FSTL4: variants seen among roughly 807,000 people sequenced by gnomAD.
The protein encoded by FSTL4 is follistatin-related protein 4.
In FSTL4, 28 loss-of-function variants were observed where a neutral mutation model predicts 78.2. The ratio of observed to expected loss-of-function variants is 0.36; its 90% CI spans 0.27 to 0.49. The LOEUF (loss-of-function observed/expected upper bound fraction) is 0.49. FSTL4 is among the 20% of genes least tolerant of loss of function. FSTL4 has a pLI of 0.98. For synonymous variants in FSTL4, 422 were observed against 440.5 expected, an observed-to-expected ratio of 0.96 and a Z score of 0.53; for missense variants, 922 against 1,084.9, an observed-to-expected ratio of 0.85 and a Z score of 2.11.
the FSTL4 span, among the ~76,000 whole-genome samples, chr5:133,740,910 A>C: frequency 6.6e-6 from 1 of 151,704 alleles, no homozygotes; most frequent in African/African-American, 2.4e-5. Context: ...CTTTCCTTTT[A>C]TGGGAGAGTT....
At chr5:133,788,123 C>A in the FSTL4 span, among the ~76,000 whole-genome samples, 1 of 152,148 alleles carries the variant, frequency 6.6e-6, no homozygotes, top group Non-Finnish European at 1.5e-5. Context: ...ATATCCCCAG[C>A]GCCCAGCCCA....
chr5:133,260,748 T>C (rs889600334), intron 6 of FSTL4, among the ~76,000 whole-genome samples: 3 of 152,172 alleles, frequency 2.0e-5, no homozygotes, highest in Non-Finnish European at 4.4e-5. Flanking sequence ...TTTAGTAACA[T>C]GGCAGGGAGC....
chr5:133,684,042 G>A, the FSTL4 span, among the ~76,000 whole-genome samples: 1 of 152,306 alleles, frequency 6.6e-6, no homozygotes, highest in African/African-American at 2.4e-5. Context: ...TGAGTTTGTG[G>A]ACCATACCAA....
chr5:133,296,613 C>T (rs1314805208), intron 6 of FSTL4, among the ~76,000 whole-genome samples: 1 of 152,216 alleles, frequency 6.6e-6, no homozygotes, highest in Admixed American at 6.5e-5. Flanking sequence ...ACCCCTTCAA[C>T]ACCTGGCTCA....
intron 4 of FSTL4, among the ~76,000 whole-genome samples, chr5:133,389,773 C>G (rs1264201409): frequency 1.3e-5 from 2 of 152,168 alleles, no homozygotes; most frequent in East Asian, 3.8e-4. Context: ...GTACAAGCTC[C>G]ACCTGACTGG....
intron 4 of FSTL4, among the ~76,000 whole-genome samples, chr5:133,363,089 G>A (rs1426813865): frequency 6.6e-6 from 1 of 151,660 alleles, no homozygotes; most frequent in African/African-American, 2.4e-5. Flanking sequence ...CTCCATTTGG[G>A]GTTTTATGAC....
intron 4 of FSTL4, among the ~76,000 whole-genome samples, chr5:133,397,882 T>C (rs1178427775): frequency 6.6e-6 from 1 of 152,336 alleles, no homozygotes; most frequent in East Asian, 1.9e-4. Flanking sequence ...TTTGCTTGCA[T>C]GAAAAACAAG....
the FSTL4 span, among the ~76,000 whole-genome samples, chr5:133,798,282 G>GA: frequency 6.6e-6 from 1 of 152,154 alleles, no homozygotes; most frequent in Non-Finnish European, 1.5e-5. Context: ...TAGAGGTTTG[G>GA]AATGTTATAA....
chr5:133,778,569 G>A, the FSTL4 span, among the ~76,000 whole-genome samples: 1 of 152,132 alleles, frequency 6.6e-6, no homozygotes, highest in Non-Finnish European at 1.5e-5. Context: ...AGAGCTTGTG[G>A]GAACTCTGAG....
the FSTL4 span, among the ~76,000 whole-genome samples, chr5:133,668,250 G>A: frequency 1.3e-5 from 2 of 152,164 alleles, no homozygotes; most frequent in Non-Finnish European, 2.9e-5. Flanking sequence ...AAACCCTCAG[G>A]AAGACCACCC....
chr5:133,280,703 G>A (rs953888882), intron 6 of FSTL4, among the ~76,000 whole-genome samples: 1 of 152,150 alleles, frequency 6.6e-6, no homozygotes, highest in Admixed American at 6.5e-5. Flanking sequence ...GAGCCACAGG[G>A]TAGCCACTGA....
intron 13 of FSTL4, among the ~76,000 whole-genome samples, chr5:133,211,915 T>C (rs1738772319): frequency 1.3e-5 from 2 of 152,190 alleles, no homozygotes; most frequent in Non-Finnish European, 2.9e-5. Flanking sequence ...GAAATATATC[T>C]CTTCTCCACT....
the FSTL4 span, among the ~76,000 whole-genome samples, chr5:133,839,224 C>A: frequency 6.6e-6 from 1 of 152,208 alleles, no homozygotes; most frequent in Non-Finnish European, 1.5e-5. Context: ...CCTGCTGCCC[C>A]ACTCAGACTC....
intron 3 of FSTL4, among the ~76,000 whole-genome samples, chr5:133,424,100 C>T (rs929058347): frequency 2.0e-5 from 3 of 152,202 alleles, no homozygotes; most frequent in Non-Finnish European, 2.9e-5. Flanking sequence ...TTCTGTCTGA[C>T]GCCAGCAGAA....
the FSTL4 span, among the ~76,000 whole-genome samples, chr5:133,638,350 A>T: frequency 6.6e-6 from 1 of 151,852 alleles, no homozygotes; most frequent in South Asian, 2.1e-4. Flanking sequence ...CACAGCACCC[A>T]TGTCTTGACT....
chr5:133,288,691 C>T (rs1488117177), intron 6 of FSTL4, among the ~76,000 whole-genome samples: 1 of 152,182 alleles, frequency 6.6e-6, no homozygotes, highest in Non-Finnish European at 1.5e-5. Flanking sequence ...GCCTTTGTGT[C>T]CTGGAAAGTG....
At chr5:133,742,102 G>A in the FSTL4 span, among the ~76,000 whole-genome samples, 1 of 152,222 alleles carries the variant, frequency 6.6e-6, no homozygotes, top group African/African-American at 2.4e-5. Context: ...TCAGTGCCAT[G>A]GACCCCTGCA....
chr5:133,239,057 G>A (rs1561636862), intron 7 of FSTL4, among the ~76,000 whole-genome samples: 1 of 152,210 alleles, frequency 6.6e-6, no homozygotes. Flanking sequence ...GGGTGGGCAT[G>A]GGCTCGGCGG....
intron 6 of FSTL4, among the ~76,000 whole-genome samples, chr5:133,283,256 G>GTGTGTC (rs1476677791): frequency 5.3e-5 from 8 of 151,956 alleles, no homozygotes; most frequent in Admixed American, 5.2e-4. Context: ...GTGTGTGTGT[G>GTGTGTC]TGTGTGTCTG....
Sources: allele counts gnomAD v4.1 joint callset (sites outside exome capture counted in the v4.1 genomes callset), GRCh38; gene constraint gnomAD v4.1.1; transcripts MANE v1.5; gene names NCBI Gene and HGNC (gene_info 2026-07-23, HGNC 2026-07-21).